MEI4: variants seen among roughly 807,000 people sequenced by gnomAD.
MEI4 encodes the protein meiotic double-stranded break formation protein 4.
Under a neutral mutation model 31.4 loss-of-function variants are expected in MEI4, and 27 were observed. The observed-to-expected ratio is 0.86, with a 90% CI of 0.63 to 1.19. MEI4 has a LOEUF of 1.19. MEI4 is among the 50% of genes most tolerant of loss of function. The pLI is 0.00. For missense variants in MEI4, 329 were observed against 398.9 expected, an observed-to-expected ratio of 0.82 and a Z score of 1.49; for synonymous variants, 122 against 145.4, an observed-to-expected ratio of 0.84 and a Z score of 1.16.
At chr6:77,701,305 G>C (rs1766216668) in intron 2 of MEI4, among the ~76,000 whole-genome samples, 1 of 152,200 alleles carries the variant, frequency 6.6e-6, no homozygotes, top group South Asian at 2.1e-4. Context: ...GATGTTAGTG[G>C]CTGTTTCTAA....
At chr6:77,702,401 T>C (rs1766246241) in intron 2 of MEI4, among the ~76,000 whole-genome samples, 1 of 152,240 alleles carries the variant, frequency 6.6e-6, no homozygotes, top group Non-Finnish European at 1.5e-5. Context: ...AATTGTCTAA[T>C]ACAATAATGA....
intron 1 of MEI4, among the ~76,000 whole-genome samples, chr6:77,668,922 C>A (rs939441558): frequency 1.3e-5 from 2 of 152,102 alleles, no homozygotes; most frequent in Non-Finnish European, 2.9e-5. Context: ...CAAGTCCATT[C>A]CTGAATGTCT....
At chr6:77,795,341 A>G (rs1307062429) in intron 3 of MEI4, among the ~76,000 whole-genome samples, 2 of 152,154 alleles carry the variant, frequency 1.3e-5, no homozygotes, top group Non-Finnish European at 2.9e-5. Flanking sequence ...AATTGATTAA[A>G]AAAGACATGC....
At chr6:77,752,609 A>G (rs1416501916) in intron 2 of MEI4, among the ~76,000 whole-genome samples, 3 of 152,138 alleles carry the variant, frequency 2.0e-5, no homozygotes, top group African/African-American at 7.2e-5. Context: ...AAATAAGAGA[A>G]GACACAAACA....
chr6:77,681,990 T>A (rs974122916), intron 1 of MEI4, among the ~76,000 whole-genome samples: 1 of 152,230 alleles, frequency 6.6e-6, no homozygotes, highest in South Asian at 2.1e-4. Flanking sequence ...CAGTATGTGC[T>A]GAAACTATAA....
At chr6:77,910,370 C>T (rs1366496859) in intron 4 of MEI4, among the ~76,000 whole-genome samples, 2 of 152,278 alleles carry the variant, frequency 1.3e-5, no homozygotes, top group East Asian at 3.9e-4. Context: ...TCTCAAGATT[C>T]AAAATCAATG....
At chr6:77,773,890 T>C (rs1398926200) in intron 3 of MEI4, among the ~76,000 whole-genome samples, 1 of 152,000 alleles carries the variant, frequency 6.6e-6, no homozygotes, top group East Asian at 1.9e-4. Context: ...GAAATACAAA[T>C]GGCAAACAGG....
intron 4 of MEI4, among the ~76,000 whole-genome samples, chr6:77,871,118 G>T (rs1771179701): frequency 6.6e-6 from 1 of 152,102 alleles, no homozygotes; most frequent in Non-Finnish European, 1.5e-5. Context: ...GAATTCTACA[G>T]TTGGAGGTGA....
At chr6:77,742,243 T>C (rs1401477107) in intron 2 of MEI4, among the ~76,000 whole-genome samples, 1 of 151,518 alleles carries the variant, frequency 6.6e-6, no homozygotes, top group Non-Finnish European at 1.5e-5. Context: ...ACCAACAGTG[T>C]CAAAGTGTTC....
chr6:77,738,484 G>A (rs898337241), intron 2 of MEI4, among the ~76,000 whole-genome samples: 4 of 152,000 alleles, frequency 2.6e-5, no homozygotes, highest in African/African-American at 9.7e-5. Flanking sequence ...TCTTTATCCA[G>A]TCTATCATTG....
chr6:77,734,047 A>C (rs980082989), intron 2 of MEI4, among the ~76,000 whole-genome samples: 3 of 151,948 alleles, frequency 2.0e-5, no homozygotes, highest in Admixed American at 2.0e-4. Context: ...TTTACTTCCA[A>C]GTATGTGGTC....
intron 1 of MEI4, among the ~76,000 whole-genome samples, chr6:77,686,363 TTTCTC>T (rs1769053960): frequency 6.6e-6 from 1 of 152,102 alleles, no homozygotes; most frequent in South Asian, 2.1e-4. Flanking sequence ...AAGTCTGTCT[TTTCTC>T]TTCTTTCCCT....
chr6:77,664,493 C>T (rs968903984), intron 1 of MEI4, among the ~76,000 whole-genome samples: 29 of 152,166 alleles, frequency 1.9e-4, no homozygotes, highest in Admixed American at 1.8e-3. Flanking sequence ...GGGCTAGTCA[C>T]GGAACGAAAC....
chr6:77,753,013 A>G (rs552944789), intron 2 of MEI4, among the ~76,000 whole-genome samples: 10 of 152,220 alleles, frequency 6.6e-5, no homozygotes, highest in African/African-American at 1.2e-4. Flanking sequence ...AGGATTCCCT[A>G]TTTAATAAAT....
Position 77,825,697 on chromosome 6 carries a change from A to T in MEI4, c.769-3234A>T, listed in dbSNP as rs73763504. ...AGGTTATAGGAATTTAAGTAGATAC[A>T]ACATATATATGTCTCTATTGCATTT... On this transcript the variant is annotated intron_variant, in intron 3 of 4. Coordinates refer to ENST00000684080, the MANE Select transcript of MEI4 (RefSeq NM_001322247.2). Among the ~76,000 whole-genome samples the T allele has an allele frequency of 8.4e-3, 1,279 of 152,324 alleles. 13 individuals are homozygous for T. Among genetic ancestry groups the T allele is most frequent in the African/African-American group, 0.028 (1,183 of 41,560 alleles).
chr6:77,846,326 G>C (rs753088743), intron 4 of MEI4, among the ~76,000 whole-genome samples: 1 of 151,606 alleles, frequency 6.6e-6, no homozygotes, highest in Non-Finnish European at 1.5e-5. Context: ...ATGTTTTTTT[G>C]TCATTCGATG....
At chr6:77,910,488 A>C (rs1766408067) in intron 4 of MEI4, among the ~76,000 whole-genome samples, 1 of 152,188 alleles carries the variant, frequency 6.6e-6, no homozygotes, top group African/African-American at 2.4e-5. Flanking sequence ...CTAGGAATCC[A>C]ACTTACAAGG....
intron 2 of MEI4, among the ~76,000 whole-genome samples, chr6:77,730,605 ATTAT>A (rs34092896): frequency 0.091 from 13,731 of 150,720 alleles, 903 homozygotes; most frequent in East Asian, 0.3. Context: ...AGTCTTATAT[ATTAT>A]TTATTTATTT....
chr6:77,660,330 A>G (rs974545786), intron 1 of MEI4, among the ~76,000 whole-genome samples: 2 of 152,152 alleles, frequency 1.3e-5, no homozygotes, highest in African/African-American at 4.8e-5. Flanking sequence ...GAACTTCATC[A>G]GGGTGGAAAT....
Sources: gnomAD v4.1 joint callset for allele counts (sites outside exome capture counted in the v4.1 genomes callset) on GRCh38, gnomAD v4.1.1 for gene constraint, MANE v1.5 for transcripts, NCBI Gene and HGNC (gene_info 2026-07-23, HGNC 2026-07-21) for gene names.